The following ASAP3 variants were observed in gnomAD, a reference collection of about 807,000 sequenced individuals.
The protein encoded by ASAP3 is ArfGAP with SH3 domain, ankyrin repeat and PH domain 3.
ASAP3 carries 85 observed loss-of-function variants against 118.2 expected under a neutral mutation model. That is an observed-to-expected ratio of 0.72 (90% CI 0.60 to 0.86). The LOEUF is 0.86. ASAP3 is among the 40% of genes least tolerant of loss of function. The pLI, the probability that ASAP3 is intolerant of heterozygous loss-of-function variation, is 0.00. For synonymous variants in ASAP3, 432 were observed against 477.4 expected (o/e 0.90, Z 1.24); for missense variants, 1,026 against 1,175.0 (o/e 0.87, Z 1.85).
rs1239864088 is a variant in ASAP3 at position 23,438,393 on chromosome 1, C to T, written c.1102+354G>A. On this transcript the variant is annotated intron_variant, in intron 12 of 24. Coordinates refer to ENST00000336689, the MANE Select transcript of ASAP3 (RefSeq NM_017707.4). The surrounding 1 kb of genome is among the most constrained non-coding windows in gnomAD (Gnocchi z 4.9). The stretch of plus-strand genomic sequence containing the variant: ...AGCCTGCACCAAAGGCTCTGAAGAA[C>T]GAAAAGTAGAAAATGTAAAGAAACA... Among the ~76,000 whole-genome samples, 2 of 151,794 alleles carry T rather than the reference C, an allele frequency of 1.3e-5. No individual in the cohort carries two copies. The highest frequency in any genetic ancestry group is 3.9e-4 in the East Asian group (2 of 5,164).
chr1:23,435,761 G>A (rs1640626147), intron 17 of ASAP3, 90 bp downstream of exon 17: 3 of 1,420,844 alleles, frequency 2.1e-6, no homozygotes, highest in Non-Finnish European at 3.0e-6. Flanking sequence ...GTCAGAGGTG[G>A]GGTGGAGGGG....
intron 1 of ASAP3, among the ~76,000 whole-genome samples, chr1:23,460,506 C>G (rs1190698647): frequency 1.2e-5 from 1 of 84,798 alleles, no homozygotes; most frequent in Non-Finnish European, 2.2e-5. Context: ...GACTCCATCT[C>G]AAAAAAAAAA....
chr1:23,453,152 C>T (rs147067189), intron 3 of ASAP3, among the ~76,000 whole-genome samples: 63 of 152,312 alleles, frequency 4.1e-4, no homozygotes, highest in South Asian at 2.1e-3. Flanking sequence ...CCCTGTTCCT[C>T]GCCAGGAGCA....
At chr1:23,463,215 A>C (rs1570391171) in intron 1 of ASAP3, among the ~76,000 whole-genome samples, 1 of 152,222 alleles carries the variant, frequency 6.6e-6, no homozygotes, top group East Asian at 1.9e-4. Context: ...CCACAGACTT[A>C]AGAACATGCA....
At chr1:23,432,992 A>G in intron 22 of ASAP3, 85 bp downstream of exon 22, 2 of 1,494,820 alleles carry the variant, frequency 1.3e-6, no homozygotes, top group Non-Finnish European at 1.8e-6. Flanking sequence ...GTACGGACTA[A>G]CATATGCACT....
At chr1:23,467,877 G>A (rs906602948) in intron 1 of ASAP3, among the ~76,000 whole-genome samples, 28 of 151,198 alleles carry the variant, frequency 1.9e-4, no homozygotes, top group African/African-American at 6.3e-4. Flanking sequence ...GCTTGAACCC[G>A]GGAGGCAGAG....
chr1:23,449,644 A>G (rs1386230266), intron 5 of ASAP3, among the ~76,000 whole-genome samples: 3 of 152,188 alleles, frequency 2.0e-5, no homozygotes, highest in East Asian at 1.9e-4. Flanking sequence ...AGCTCAAACT[A>G]TGTGGCTCCA....
At chr1:23,440,327 C>G (rs1053699575) in intron 10 of ASAP3, among the ~76,000 whole-genome samples, 2 of 144,676 alleles carry the variant, frequency 1.4e-5, no homozygotes. Flanking sequence ...CGGTGAAACC[C>G]CGTCTCTACT....
At chr1:23,453,628 G>T (rs199601367) in intron 3 of ASAP3, among the ~76,000 whole-genome samples, 1 of 152,106 alleles carries the variant, frequency 6.6e-6, no homozygotes, top group Non-Finnish European at 1.5e-5. Flanking sequence ...GGGTTTCTGT[G>T]ATTTCGCAAC....
chr1:23,467,481 G>A (rs780145831), intron 1 of ASAP3, among the ~76,000 whole-genome samples: 22 of 152,196 alleles, frequency 1.4e-4, no homozygotes, highest in Non-Finnish European at 2.8e-4. Flanking sequence ...AGTTGGCAGA[G>A]GAGATGAAAA....
intron 1 of ASAP3, among the ~76,000 whole-genome samples, chr1:23,482,143 G>A (rs1455785549): frequency 6.6e-6 from 1 of 152,222 alleles, no homozygotes; most frequent in Non-Finnish European, 1.5e-5. Flanking sequence ...ACAAGGTGAG[G>A]CTCTGTGAGA....
intron 7 of ASAP3, 82 bp from the exon 8 acceptor site, chr1:23,441,812 G>T (rs745815348): frequency 2.7e-6 from 4 of 1,464,306 alleles, no homozygotes; most frequent in Non-Finnish European, 3.8e-6. Flanking sequence ...AGAAGCTGCC[G>T]TAAGGATCAC....
rs1325059983 is a variant in ASAP3 at position 23,434,570 on chromosome 1, C to A, written c.1798G>T (p.Ala600Ser). 1 of 1,614,126 alleles carries A rather than the reference C, an allele frequency of 6.2e-7. No homozygotes were observed. ...LHLAVKVANQ[A>S]SLPLVDFIIQ... ...ATGAAATCCACCAGAGGCAGGGAAG[C>A]CTGGTTGGCGACTTTGACAGCCAAA... Residue 600 changes from alanine (A) to serine (S), a missense_variant, in exon 18 of 25, where the codon GCT becomes TCT. By Grantham distance (99) the Ala-to-Ser change is moderately conservative. Transcript: ENST00000336689.
At position 23,462,214 on chromosome 1, in the gene ASAP3, C is replaced by T. The variant is rs988412447; in HGVS notation, c.130-6020G>A. On this transcript the variant is annotated intron_variant, in intron 1 of 24. Coordinates refer to ENST00000336689, the MANE Select transcript of ASAP3 (RefSeq NM_017707.4). ...AATTTTTTGTATTTTTTAGTAGAGA[C>T]GGGGTTTCACCGTGTTAGCCAGGAT... 4.6e-5 allele frequency among the ~76,000 whole-genome samples: 7 copies of T among 151,500 alleles called. No homozygotes were observed. In the East Asian group the frequency reaches 5.9e-4, roughly 13 times the overall value.
intron 5 of ASAP3, among the ~76,000 whole-genome samples, chr1:23,446,620 T>G (rs1641055494): frequency 6.6e-6 from 1 of 152,128 alleles, no homozygotes; most frequent in Non-Finnish European, 1.5e-5. Flanking sequence ...GTATTTTTAG[T>G]AGAGCCGGGG....
At chr1:23,441,238 C>A (rs1640862818) in intron 9 of ASAP3, 27 bp from the exon 10 acceptor site, 1 of 1,612,828 alleles carries the variant, frequency 6.2e-7, no homozygotes, top group African/African-American at 1.3e-5. Flanking sequence ...CAAAGGAGAC[C>A]TCAGGGCATC....
intron 24 of ASAP3, among the ~76,000 whole-genome samples, chr1:23,430,705 C>T (rs937459268): frequency 6.6e-6 from 1 of 152,214 alleles, no homozygotes; most frequent in Non-Finnish European, 1.5e-5. Flanking sequence ...TCACTGCCAT[C>T]CCTCAAGGCC....
chr1:23,436,907 T>C lies in ASAP3; in HGVS notation c.1476+4A>G. The C allele has an allele frequency of 6.3e-7, 1 of 1,598,540 alleles. No homozygotes were observed. Among genetic ancestry groups the C allele is most frequent in the Non-Finnish European group, 8.5e-7 (1 of 1,173,470 alleles). ...GCCCCTTCCAGGCCCCGCCCCGCCC[T>C]CACCAACAACTCGGAGGGGCCCAGC... On this transcript the variant is annotated splice_donor_region_variant and intron_variant, in intron 15 of 24. Transcript: ENST00000336689. The surrounding 1 kb of genome is among the most constrained non-coding windows in gnomAD (Gnocchi z 4.2).
chr1:23,463,792 G>A lies in ASAP3; in HGVS notation c.130-7598C>T, dbSNP rs182174009. On this transcript the variant is annotated intron_variant, in intron 1 of 24. Coordinates refer to ENST00000336689, the MANE Select transcript of ASAP3 (RefSeq NM_017707.4). The stretch of plus-strand genomic sequence containing the variant: ...AATTTTTATCTTTAGTAGAGACGGG[G>A]TTTCACCATGTTGGCCAGGCTGGTC... Among the ~76,000 whole-genome samples, 9 of 152,110 alleles carry A rather than the reference G, an allele frequency of 5.9e-5. No homozygotes were observed. In the South Asian group the frequency reaches 1.9e-3, roughly 32 times the overall value.
Sources: allele counts gnomAD v4.1 joint callset (sites outside exome capture counted in the v4.1 genomes callset), GRCh38; gene constraint gnomAD v4.1.1; non-coding constraint Gnocchi (gnomAD v3.1); transcripts MANE v1.5; gene names NCBI Gene and HGNC (gene_info 2026-07-23, HGNC 2026-07-21).